RIMKLB: variants seen among roughly 807,000 people sequenced by gnomAD.
RIMKLB encodes the protein ribosomal modification protein rimK like family member B, also known as beta-citrylglutamate synthase B.
RIMKLB carries 7 observed loss-of-function variants against 32.0 expected under a neutral mutation model. That is an observed-to-expected ratio of 0.22 (90% CI 0.12 to 0.41). The LOEUF (loss-of-function observed/expected upper bound fraction) is 0.41, where lower values mean the gene tolerates loss of function less well. Ranked by LOEUF, RIMKLB falls within the 10% of genes least tolerant of loss-of-function variation. The pLI is 1.00. For synonymous variants in RIMKLB, 172 were observed against 185.1 expected (o/e 0.93, Z 0.57); for missense variants, 289 against 498.7 (o/e 0.58, Z 4.00).
chr12:8,713,918 A>G lies in RIMKLB; in HGVS notation c.52A>G (p.Arg18Gly), dbSNP rs1233617997. Residue 18 changes from arginine (R) to glycine (G), a missense_variant, in exon 2 of 6, where the codon AGG (arginine) becomes GGG (glycine). By Grantham distance (125) the Arg-to-Gly change is moderately radical. This residue lies in a region of RIMKLB where 34 missense variants were observed against 35.3 expected (regional missense o/e 0.96). Coordinates refer to ENST00000535829, the MANE Select transcript of RIMKLB (RefSeq NM_001297776.2). Reference sequence around the variant, plus strand: ...GTGGTTTTTGACAGATCGTCGCATCAGGGAAGACTATCCTCAAAAAGAGAT... The same window carrying G: ...GTGGTTTTTGACAGATCGTCGCATCGGGGAAGACTATCCTCAAAAAGAGAT... Reference protein sequence around the residue: ...KLWFLTDRRIREDYPQKEILR... With the variant: ...KLWFLTDRRIGEDYPQKEILR... The G allele has an allele frequency of 1.2e-6, 2 of 1,614,168 alleles. No homozygotes were observed. Among genetic ancestry groups the G allele is most frequent in the Admixed American group, 3.3e-5 (2 of 60,010 alleles).
chr12:8,748,525 T>TGTGTGTGC (rs1390333611), intron 2 of RIMKLB, among the ~76,000 whole-genome samples: 4 of 103,528 alleles, frequency 3.9e-5, no homozygotes, highest in African/African-American at 1.3e-4. Context: ...TATTCGTGTG[T>TGTGTGTGC]GTGTGTGTGT....
At chr12:8,761,482 C>T (rs753740205) in intron 5 of RIMKLB, among the ~76,000 whole-genome samples, 1 of 151,972 alleles carries the variant, frequency 6.6e-6, no homozygotes, top group Non-Finnish European at 1.5e-5. Flanking sequence ...AGGGGATTGT[C>T]GCTCCCTGCT....
At chr12:8,714,564 C>A (rs1247092652) in intron 2 of RIMKLB, among the ~76,000 whole-genome samples, 1 of 152,114 alleles carries the variant, frequency 6.6e-6, no homozygotes, top group Non-Finnish European at 1.5e-5. Flanking sequence ...GTAATATAAA[C>A]TAATACGGTT....
rs1206245703 is a variant in RIMKLB, at chr12:8,773,866, T to C, written c.*82T>C. 1 of 1,505,038 alleles carries C rather than the reference T, an allele frequency of 6.6e-7. No homozygotes were observed. The highest frequency in any genetic ancestry group is 2.3e-5 in the Admixed American group (1 of 43,766). 93.2% of individuals were successfully genotyped at this position (1,505,038 alleles called of 1,614,324 possible). A position where few individuals can be genotyped will look rare whatever the true frequency, so the allele number is the denominator to read the frequency against. On this transcript the variant is annotated 3_prime_UTR_variant, in exon 6 of 6. Coordinates refer to ENST00000535829, the MANE Select transcript of RIMKLB (RefSeq NM_001297776.2). ...TTTTAAAACCAACTTGCAATGCTGT[T>C]CATGGAGGATGCTCAGGAAGATGAG...
chr12:8,688,427 A>T (rs898252100), intron 1 of RIMKLB, among the ~76,000 whole-genome samples: 6 of 152,204 alleles, frequency 3.9e-5, no homozygotes, highest in Non-Finnish European at 7.3e-5. Context: ...GGAAAGGGGA[A>T]TGAGAAAACA....
chr12:8,764,137 G>A (rs865972655), intron 5 of RIMKLB, among the ~76,000 whole-genome samples: 18 of 152,230 alleles, frequency 1.2e-4, no homozygotes, highest in African/African-American at 3.9e-4. Context: ...GATTTTACTA[G>A]GCCTTGGGCT....
Position 8,699,262 on chromosome 12 carries a change from A to AT in RIMKLB, c.-57+974dup, listed in dbSNP as rs199852484. The stretch of plus-strand genomic sequence containing the variant: ...AGTATATGGGCAGCCTACTATGCAG[A>AT]TTTTTTTTTGTGGGCTTGGTATGTT... On this transcript the variant is annotated intron_variant, in intron 1 of 5. Coordinates refer to ENST00000535829, the MANE Select transcript of RIMKLB (RefSeq NM_001297776.2). 2.8e-3 allele frequency among the ~76,000 whole-genome samples: 431 copies of AT among 151,494 alleles called. 2 individuals carry two copies. The highest frequency in any genetic ancestry group is 0.01 in the Middle Eastern group (3 of 290).
In RIMKLB at chr12:8,774,692, C is replaced by T; in HGVS notation, c.*908C>T. ...TTGTTAACAAGACACTGACTTGAAA[C>T]ATGTACATTTAAAGCCTTTTATTTT... On this transcript the variant is annotated 3_prime_UTR_variant, in exon 6 of 6. Coordinates refer to ENST00000535829, the MANE Select transcript of RIMKLB (RefSeq NM_001297776.2). 1 of 984,740 alleles carries T rather than the reference C, an allele frequency of 1.0e-6. No individual in the cohort carries two copies. The highest frequency in any genetic ancestry group is 1.2e-6 in the Non-Finnish European group (1 of 829,738). The allele number at this position is 984,740 out of a possible 1,614,324, so 61.0% of individuals were successfully genotyped here.
Position 8,774,786 on chromosome 12 carries a change from A to G in RIMKLB, c.*1002A>G, listed in dbSNP as rs140694717. 4.3e-4 allele frequency: 420 copies of G among 985,690 alleles called. 2 individuals are homozygous for G. The African/African-American group carries it at 7.0e-3, about 16-fold the overall frequency. The allele number at this position is 985,690 out of a possible 1,614,324, so 61.1% of individuals were successfully genotyped here. On this transcript the variant is annotated 3_prime_UTR_variant, in exon 6 of 6. Transcript: ENST00000535829. ...GAAAAATATTTTTGGGGGCAAATCA[A>G]GAGCCTATGAGTTCTAAGTATAAAG... is the stretch of plus-strand genomic sequence containing the variant.
chr12:8,771,726 C>T (rs1233307337), intron 5 of RIMKLB, among the ~76,000 whole-genome samples: 1 of 151,944 alleles, frequency 6.6e-6, no homozygotes, highest in Non-Finnish European at 1.5e-5. Flanking sequence ...TGTGTCTTAT[C>T]AGTTCAACCT....
chr12:8,765,776 G>A (rs750121925), intron 5 of RIMKLB, among the ~76,000 whole-genome samples: 34 of 152,140 alleles, frequency 2.2e-4, no homozygotes, highest in Non-Finnish European at 4.0e-4. Context: ...GGGGGACACC[G>A]GGATAGGGAG....
intron 2 of RIMKLB, 30 bp from the exon 3 acceptor site, chr12:8,749,832 T>C: frequency 1.4e-6 from 2 of 1,403,312 alleles, no homozygotes; most frequent in Non-Finnish European, 2.0e-6. Flanking sequence ...TTCCCTCTAA[T>C]TGTGTTGGTC....
chr12:8,689,160 G>T (rs893640074), intron 1 of RIMKLB, among the ~76,000 whole-genome samples: 3 of 152,126 alleles, frequency 2.0e-5, no homozygotes, highest in South Asian at 2.1e-4. Context: ...TCAAAACAGG[G>T]ATAATAAAAT....
chr12:8,745,402 T>A (rs747671948), intron 2 of RIMKLB, among the ~76,000 whole-genome samples: 3 of 149,990 alleles, frequency 2.0e-5, no homozygotes, highest in Admixed American at 2.0e-4. Flanking sequence ...TTCCCGTAAA[T>A]TTTTTTTTTG....
At chr12:8,750,493 G>T (rs970355504) in intron 3 of RIMKLB, among the ~76,000 whole-genome samples, 2 of 152,108 alleles carry the variant, frequency 1.3e-5, no homozygotes, top group Non-Finnish European at 2.9e-5. Context: ...TGTGGTAAAA[G>T]ATAATTCTAA....
At chr12:8,739,608 C>T (rs1947314781) in intron 2 of RIMKLB, among the ~76,000 whole-genome samples, 1 of 152,154 alleles carries the variant, frequency 6.6e-6, no homozygotes, top group Non-Finnish European at 1.5e-5. Flanking sequence ...GTAGCTGGGG[C>T]TATAGGCATA....
intron 2 of RIMKLB, among the ~76,000 whole-genome samples, chr12:8,746,802 T>C (rs1481269194): frequency 6.6e-6 from 1 of 152,054 alleles, no homozygotes; most frequent in Non-Finnish European, 1.5e-5. Context: ...GTCCTCCAGG[T>C]TGATCATAGG....
At chr12:8,702,283 A>C (rs1943477304) in intron 1 of RIMKLB, among the ~76,000 whole-genome samples, 1 of 152,218 alleles carries the variant, frequency 6.6e-6, no homozygotes, top group South Asian at 2.1e-4. Flanking sequence ...TTATCCGAGC[A>C]GTGTCTGAAG....
At chr12:8,729,981 T>G (rs769289766) in intron 2 of RIMKLB, among the ~76,000 whole-genome samples, 4 of 152,368 alleles carry the variant, frequency 2.6e-5, no homozygotes, top group Non-Finnish European at 4.4e-5. Flanking sequence ...TGTATATCTT[T>G]GGAGAAATAT....
Sources: allele counts gnomAD v4.1 joint callset (sites outside exome capture counted in the v4.1 genomes callset), GRCh38; gene constraint gnomAD v4.1.1; regional missense constraint gnomAD v4.1.1; transcripts MANE v1.5; gene names NCBI Gene and HGNC (gene_info 2026-07-23, HGNC 2026-07-21).